The following CYP3A4 variants were observed in gnomAD, a reference collection of about 807,000 sequenced individuals.
CYP3A4 encodes the protein cytochrome P450 3A4.
CYP3A4 carries 41 observed loss-of-function variants against 54.9 expected under a neutral mutation model. That is an observed-to-expected ratio of 0.75 (90% CI 0.58 to 0.97). CYP3A4 has a LOEUF of 0.97. CYP3A4 is among the 50% of genes least tolerant of loss of function. CYP3A4 has a pLI of 0.00. For synonymous variants in CYP3A4, 179 were observed against 205.2 expected, an observed-to-expected ratio of 0.87 and a Z score of 1.09; for missense variants, 510 against 597.3, an observed-to-expected ratio of 0.85 and a Z score of 1.52.
At chr7:99,783,754 G>A (rs867628054) in intron 1 of CYP3A4, among the ~76,000 whole-genome samples, 11 of 151,716 alleles carry the variant, frequency 7.3e-5, no homozygotes, top group Admixed American at 3.9e-4. Context: ...GAATACAGGC[G>A]TGCACCACCA....
chr7:99,771,658 A>T (rs1386230752), intron 4 of CYP3A4, among the ~76,000 whole-genome samples: 1 of 152,220 alleles, frequency 6.6e-6, no homozygotes, highest in Non-Finnish European at 1.5e-5. Flanking sequence ...GTTAAAACAA[A>T]TCTGAAAAAA....
chr7:99,762,020 C>A, intron 11 of CYP3A4, 21 bp downstream of exon 11: 1 of 1,612,236 alleles, frequency 6.2e-7, no homozygotes, highest in South Asian at 1.1e-5. Flanking sequence ...AGGGAGGGCT[C>A]CCTTCCCAGG....
chr7:99,782,491 G>T (rs1815952649), intron 1 of CYP3A4, among the ~76,000 whole-genome samples: 1 of 152,126 alleles, frequency 6.6e-6, no homozygotes, highest in African/African-American at 2.4e-5. Flanking sequence ...GGTATTGTCT[G>T]CCCAGCTGCC....
chr7:99,772,236 G>A (rs1390249461), intron 4 of CYP3A4, among the ~76,000 whole-genome samples: 2 of 152,122 alleles, frequency 1.3e-5, no homozygotes, highest in Non-Finnish European at 2.9e-5. Flanking sequence ...CTAATGATGT[G>A]ATAAATTTGT....
chr7:99,771,747 G>A (rs976380621), intron 4 of CYP3A4, among the ~76,000 whole-genome samples: 2 of 152,156 alleles, frequency 1.3e-5, no homozygotes, highest in African/African-American at 4.8e-5. Context: ...ACACAGTGTG[G>A]TATTGGTGGA....
At chr7:99,774,224 C>A (rs78585068) in intron 3 of CYP3A4, among the ~76,000 whole-genome samples, 20 of 152,184 alleles carry the variant, frequency 1.3e-4, no homozygotes, top group African/African-American at 4.8e-4. Flanking sequence ...AAAAAAAGTC[C>A]AGGACCAAAT....
At chr7:99,770,032 C>A in intron 5 of CYP3A4, 90 bp downstream of exon 5, 1 of 1,528,502 alleles carries the variant, frequency 6.5e-7, no homozygotes. Flanking sequence ...GTGGACTACC[C>A]CTTGGAAAGG....
intron 9 of CYP3A4, among the ~76,000 whole-genome samples, chr7:99,765,096 T>C (rs1221057042): frequency 6.6e-6 from 1 of 152,196 alleles, no homozygotes; most frequent in African/African-American, 2.4e-5. Flanking sequence ...ATAAGTAAAT[T>C]CAACTACCTA....
intron 10 of CYP3A4, among the ~76,000 whole-genome samples, chr7:99,762,628 T>C (rs1815369735): frequency 6.6e-6 from 1 of 152,086 alleles, no homozygotes; most frequent in African/African-American, 2.4e-5. Context: ...TTTTGTTATA[T>C]ACAGAAAATG....
chr7:99,763,214 A>C (rs1815384123), intron 10 of CYP3A4, among the ~76,000 whole-genome samples: 1 of 152,232 alleles, frequency 6.6e-6, no homozygotes, highest in East Asian at 1.9e-4. Flanking sequence ...AGAGCTCACT[A>C]TCCAACTATG....
rs1166211708 is a variant in CYP3A4 at position 99,760,922 on chromosome 7, C to A, written c.1313G>T (p.Gly438Val). ...DPYIYTPFGS[G>V]PRNCIGMRFA... ...CCTCATGCCAATGCAGTTTCTGGGTCCACTTCCAAAGGGTGTGTATATGTA... is the reference window on the plus strand; with the variant it reads ...CCTCATGCCAATGCAGTTTCTGGGTACACTTCCAAAGGGTGTGTATATGTA... Residue 438 changes from glycine to valine, a missense_variant, in exon 12 of 13, where the codon GGA becomes GTA. Gly to Val is a moderately radical substitution (Grantham distance 109). Transcript: ENST00000651514. 1.9e-6 allele frequency: 3 copies of A among 1,614,088 alleles called. No homozygotes were observed. The highest frequency in any genetic ancestry group is 2.7e-5 in the African/African-American group (2 of 75,040).
At chr7:99,771,583 C>T (rs542545421) in intron 4 of CYP3A4, among the ~76,000 whole-genome samples, 23 of 152,194 alleles carry the variant, frequency 1.5e-4, no homozygotes, top group African/African-American at 5.3e-4. Context: ...AATAACAGCA[C>T]GTTTATTTGT....
intron 8 of CYP3A4, 26 bp from the exon 9 acceptor site, chr7:99,766,469 T>C: frequency 6.2e-7 from 1 of 1,613,330 alleles, no homozygotes; most frequent in Non-Finnish European, 8.5e-7. Flanking sequence ...GAAATTTCAC[T>C]GACAGAAAGT....
Position 99,767,146 on chromosome 7 carries a change from G to T in CYP3A4, c.783C>A (p.Leu261=), listed in dbSNP as rs367590518. ...KSVKRMKESR[L]EDTQKHRVDF... is the part of the protein sequence containing the mutation. ...CACATTTTACCTTTTGTGTATCTTCGAGGCGACTTTCTTTCATCCTTTTTA... is the reference window on the plus strand; with the variant it reads ...CACATTTTACCTTTTGTGTATCTTCTAGGCGACTTTCTTTCATCCTTTTTA... Residue 261 remains leucine (L), a synonymous_variant, in exon 8 of 13, where the codon CTC becomes CTA. Coordinates refer to ENST00000651514, the MANE Select transcript of CYP3A4 (RefSeq NM_017460.6). 1.4e-5 allele frequency: 22 copies of T among 1,609,384 alleles called. No homozygotes were observed. The African/African-American group carries it at 2.0e-4, about 15-fold the overall frequency.
rs765598920 is a variant in CYP3A4, at chr7:99,758,182, G to T, written c.1463C>A (p.Pro488His). ...CCTTGACTCAACCTTTAGAACAACGGGTTTTTCTGGTTGAAGAAGTCCTCC... is the reference window on the plus strand; with the variant it reads ...CCTTGACTCAACCTTTAGAACAACGTGTTTTTCTGGTTGAAGAAGTCCTCC... Reference protein sequence around the residue: ...SLGGLLQPEKPVVLKVESRDG... With the variant: ...SLGGLLQPEKHVVLKVESRDG... The change falls in exon 13 of 13, where the codon CCC becomes CAC. Residue 488 changes from proline to histidine, a missense_variant. Physicochemically the swap from Pro to His is moderately conservative, Grantham distance 77 (BLOSUM62 -2). Transcript: ENST00000651514. 120 of 1,613,814 alleles carry T rather than the reference G, an allele frequency of 7.4e-5. No homozygotes were observed. Among genetic ancestry groups the T allele is most frequent in the Non-Finnish European group, 9.9e-5 (117 of 1,179,928 alleles).
intron 7 of CYP3A4, 84 bp from the exon 8 acceptor site, chr7:99,767,342 A>G (rs1045970071): frequency 1.3e-4 from 156 of 1,233,008 alleles, no homozygotes; most frequent in Non-Finnish European, 2.1e-5. Context: ...AGTTTTCTCT[A>G]CCAACCAGAA....
intron 12 of CYP3A4, 44 bp from the exon 13 acceptor site, chr7:99,758,272 A>G (rs764869395): frequency 6.3e-6 from 10 of 1,592,416 alleles, no homozygotes; most frequent in Non-Finnish European, 7.7e-6. Flanking sequence ...TAAATAAACA[A>G]AAGTAGAAAG....
intron 3 of CYP3A4, among the ~76,000 whole-genome samples, chr7:99,773,743 A>G (rs1211710131): frequency 1.3e-5 from 2 of 152,226 alleles, no homozygotes; most frequent in Non-Finnish European, 2.9e-5. Flanking sequence ...TAGAGAAAGC[A>G]GGAAAGATCT....
chr7:99,783,686 G>A (rs1463323480), intron 1 of CYP3A4, among the ~76,000 whole-genome samples: 1 of 135,314 alleles, frequency 7.4e-6, no homozygotes, highest in Admixed American at 9.0e-5. Flanking sequence ...TCAGCTCACT[G>A]CAACCTCCGC....
Sources: allele counts gnomAD v4.1 joint callset (sites outside exome capture counted in the v4.1 genomes callset), GRCh38; gene constraint gnomAD v4.1.1; transcripts MANE v1.5; gene names NCBI Gene and HGNC (gene_info 2026-07-23, HGNC 2026-07-21).